The following ROR2 variants were observed in gnomAD, a reference collection of about 807,000 sequenced individuals.
The protein encoded by ROR2 is ROR family WNT receptor 2, also known as tyrosine-protein kinase transmembrane receptor ROR2.
ROR2 carries 33 observed loss-of-function variants against 74.9 expected under a neutral mutation model. That is an observed-to-expected ratio of 0.44 (90% CI 0.33 to 0.59). The LOEUF (loss-of-function observed/expected upper bound fraction) is 0.59, where lower values mean the gene tolerates loss of function less well. ROR2 is among the 20% of genes least tolerant of loss of function. The pLI, the probability that ROR2 is intolerant of heterozygous loss-of-function variation, is 0.02. For missense variants in ROR2, 1,216 were observed against 1,313.8 expected (o/e 0.93, Z 1.15); for synonymous variants, 586 against 558.7 (o/e 1.05, Z -0.69).
At chr9:91,898,015 C>T (rs1451600612) in intron 1 of ROR2, among the ~76,000 whole-genome samples, 6 of 152,152 alleles carry the variant, frequency 3.9e-5, no homozygotes, top group Admixed American at 3.3e-4. Context: ...TCCATCCTGA[C>T]CTTGCCACGG....
In ROR2 at chr9:91,733,189, G is replaced by A. The variant is rs778518947; in HGVS notation, c.870C>T (p.Pro290=). ...RLQLPKCEAL[P]MPESPDAANC... is the part of the protein sequence containing the mutation. ...TGGCAGCGTCGGGGCTCTCAGGCAT[G>A]GGCAGCGCCTCACACTTGGGCAGCT... The change falls in exon 6 of 9, where the codon CCC becomes CCT. Residue 290 remains proline (P), a synonymous_variant. Transcript: ENST00000375708. This position sits in a 1 kb window ranked among gnomAD's most constrained non-coding sequence, Gnocchi z 5.7. 6.2e-7 allele frequency: 1 copy of A among 1,610,486 alleles called. No individual in the cohort carries two copies. Among genetic ancestry groups the A allele is most frequent in the South Asian group, 1.1e-5 (1 of 90,486 alleles).
At chr9:91,807,858 G>A (rs556679558) in intron 1 of ROR2, among the ~76,000 whole-genome samples, 2 of 152,216 alleles carry the variant, frequency 1.3e-5, no homozygotes, top group South Asian at 2.1e-4. Context: ...ACTATGACAC[G>A]GCGACCCTCT....
At chr9:91,865,155 C>T (rs1231651330) in intron 1 of ROR2, among the ~76,000 whole-genome samples, 1 of 151,978 alleles carries the variant, frequency 6.6e-6, no homozygotes, top group Non-Finnish European at 1.5e-5. Context: ...CAATAAAGAG[C>T]TTAAGAGATC....
chr9:91,885,729 C>A (rs1041163512), intron 1 of ROR2, among the ~76,000 whole-genome samples: 1 of 152,118 alleles, frequency 6.6e-6, no homozygotes, highest in Non-Finnish European at 1.5e-5. Flanking sequence ...ATCAAATCAA[C>A]GAATCAAAAT....
chr9:91,935,148 C>T (rs1165222850), intron 1 of ROR2, among the ~76,000 whole-genome samples: 2 of 152,164 alleles, frequency 1.3e-5, no homozygotes, highest in African/African-American at 4.8e-5. Flanking sequence ...CACTGACACC[C>T]CCAAATATGC....
At chr9:91,847,581 T>G (rs1828968705) in intron 1 of ROR2, among the ~76,000 whole-genome samples, 2 of 151,096 alleles carry the variant, frequency 1.3e-5, no homozygotes, top group Admixed American at 1.3e-4. Context: ...TTCCAGTCTT[T>G]CAAAGTAAGC....
chr9:91,894,544 A>C (rs1381030991), intron 1 of ROR2, among the ~76,000 whole-genome samples: 1 of 152,252 alleles, frequency 6.6e-6, no homozygotes, highest in African/African-American at 2.4e-5. Context: ...GAAACTGTCA[A>C]GTGATTATTC....
At chr9:91,758,247 C>G (rs1346694716) in intron 2 of ROR2, among the ~76,000 whole-genome samples, 1 of 152,138 alleles carries the variant, frequency 6.6e-6, no homozygotes, top group Non-Finnish European at 1.5e-5. Context: ...TTGGAGGTTA[C>G]AAATAGACTT....
At chr9:91,877,457 G>A (rs1460396640) in intron 1 of ROR2, among the ~76,000 whole-genome samples, 3 of 152,344 alleles carry the variant, frequency 2.0e-5, no homozygotes, top group East Asian at 3.9e-4. Context: ...GGGGTCTTGC[G>A]ACCAGAAGAG....
intron 4 of ROR2, among the ~76,000 whole-genome samples, chr9:91,753,840 T>G (rs1469370587): frequency 1.3e-5 from 2 of 152,246 alleles, no homozygotes; most frequent in Non-Finnish European, 2.9e-5. Context: ...AAGAGGTATT[T>G]CTTTTTAAAA....
At chr9:91,833,881 A>G (rs1828540358) in intron 1 of ROR2, among the ~76,000 whole-genome samples, 1 of 152,136 alleles carries the variant, frequency 6.6e-6, no homozygotes, top group Non-Finnish European at 1.5e-5. Flanking sequence ...AGCTTTCCCC[A>G]GCCCAGTGTT....
intron 1 of ROR2, among the ~76,000 whole-genome samples, chr9:91,792,410 A>G (rs887948126): frequency 1.0e-4 from 15 of 146,894 alleles, no homozygotes; most frequent in East Asian, 8.1e-4. Flanking sequence ...CCGGGTTCAC[A>G]CCATTCTCCT....
At chr9:91,924,637 C>A (rs1360478456) in intron 1 of ROR2, among the ~76,000 whole-genome samples, 1 of 152,036 alleles carries the variant, frequency 6.6e-6, no homozygotes, top group African/African-American at 2.4e-5. Flanking sequence ...ACTAAAAATA[C>A]AAAAAACTAG....
chr9:91,857,991 G>A (rs985366703), intron 1 of ROR2, among the ~76,000 whole-genome samples: 5 of 152,150 alleles, frequency 3.3e-5, no homozygotes, highest in East Asian at 1.9e-4. Context: ...CAGGTCCTCC[G>A]GATATAGGCC....
chr9:91,740,875 G>A (rs944562343), intron 4 of ROR2, among the ~76,000 whole-genome samples: 5 of 152,046 alleles, frequency 3.3e-5, no homozygotes, highest in Admixed American at 6.6e-5. Flanking sequence ...GAGCATCCAC[G>A]TTTCAGAAAT....
Position 91,749,028 on chromosome 9 carries a change from A to G in ROR2, c.494+7043T>C, listed in dbSNP as rs146524693. Among the ~76,000 whole-genome samples, 859 of 152,354 alleles carry G rather than the reference A, an allele frequency of 5.6e-3. 12 individuals carry two copies. Among genetic ancestry groups the G allele is most frequent in the African/African-American group, 0.02 (832 of 41,580 alleles). On this transcript the variant is annotated intron_variant, in intron 4 of 8. Transcript: ENST00000375708. ...GCAACAAGAGCGAAACTCCGTCTCCAAAGAAAGGAAAGAAAAAAAATAAAA... is the reference window on the plus strand; with the variant it reads ...GCAACAAGAGCGAAACTCCGTCTCCGAAGAAAGGAAAGAAAAAAAATAAAA...
chr9:91,851,385 A>G (rs1829086115), intron 1 of ROR2, among the ~76,000 whole-genome samples: 1 of 151,812 alleles, frequency 6.6e-6, no homozygotes, highest in African/African-American at 2.4e-5. Context: ...AAAGAAAAAG[A>G]AAAAAAATTC....
At chr9:91,886,870 A>C (rs1830297341) in intron 1 of ROR2, 1 of 152,150 alleles carries the variant, frequency 6.6e-6, no homozygotes, top group Admixed American at 6.5e-5. Context: ...TTACCATTTA[A>C]GAGCCCGCAG....
rs182707923 is a variant in ROR2 at position 91,865,980 on chromosome 9, A to C, written c.97+83887T>G. 3.0e-3 allele frequency among the ~76,000 whole-genome samples: 450 copies of C among 152,364 alleles called. 3 individuals are homozygous for C. Among genetic ancestry groups the C allele is most frequent in the Non-Finnish European group, 4.2e-3 (289 of 68,036 alleles). On this transcript the variant is annotated intron_variant, in intron 1 of 8. Transcript: ENST00000375708. ...TGACACTTTCTGAATTACCTAAATC[A>C]AATTACTCCAGCCAGGTGCGTGGTA...
Sources: allele counts gnomAD v4.1 joint callset (sites outside exome capture counted in the v4.1 genomes callset), GRCh38; gene constraint gnomAD v4.1.1; non-coding constraint Gnocchi (gnomAD v3.1); transcripts MANE v1.5; gene names NCBI Gene and HGNC (gene_info 2026-07-23, HGNC 2026-07-21).